Variants in THEMIS observed in about 807,000 individuals in gnomAD.
THEMIS encodes the protein thymocyte selection associated, also known as protein THEMIS.
Under a neutral mutation model 52.6 loss-of-function variants are expected in THEMIS, and 37 were observed. That is an observed-to-expected ratio of 0.70 (90% CI 0.54 to 0.93). THEMIS has a LOEUF of 0.93. Among genes scored for constraint, THEMIS ranks in the 40% least tolerant of loss-of-function variants. The pLI is 0.00. For missense variants in THEMIS, 808 were observed against 763.1 expected, an observed-to-expected ratio of 1.06 and a Z score of -0.69; for synonymous variants, 292 against 272.7, an observed-to-expected ratio of 1.07 and a Z score of -0.70.
At chr6:127,745,647 A>G (rs1291213451) in intron 4 of THEMIS, among the ~76,000 whole-genome samples, 1 of 151,876 alleles carries the variant, frequency 6.6e-6, no homozygotes, top group East Asian at 1.9e-4. Flanking sequence ...AAAATTTGTG[A>G]GACTATAGGT....
intron 5 of THEMIS, among the ~76,000 whole-genome samples, chr6:127,718,116 C>T (rs905094858): frequency 6.6e-6 from 1 of 151,556 alleles, no homozygotes; most frequent in Non-Finnish European, 1.5e-5. Flanking sequence ...TATATTTTTG[C>T]TCTACTTTTG....
At chr6:127,865,667 A>C (rs1440076369) in intron 1 of THEMIS, among the ~76,000 whole-genome samples, 1 of 152,152 alleles carries the variant, frequency 6.6e-6, no homozygotes, top group Non-Finnish European at 1.5e-5. Context: ...ACTGCAATAA[A>C]ATGATTTTTT....
chr6:127,918,216 C>A (rs915989824), intron 1 of THEMIS, among the ~76,000 whole-genome samples: 1 of 152,148 alleles, frequency 6.6e-6, no homozygotes. Context: ...TGCGTGCCTG[C>A]AATTAGCATT....
the THEMIS span, among the ~76,000 whole-genome samples, chr6:127,702,458 G>T: frequency 4.3e-4 from 65 of 151,900 alleles, no homozygotes; most frequent in African/African-American, 1.5e-3. Flanking sequence ...TGAATTTCTC[G>T]TGCTCTTACT....
At chr6:127,784,833 C>T (rs1043294469) in intron 4 of THEMIS, among the ~76,000 whole-genome samples, 9 of 152,034 alleles carry the variant, frequency 5.9e-5, no homozygotes, top group Non-Finnish European at 1.3e-4. Context: ...TTTAAAAAAA[C>T]TTAGGCCTGT....
rs1012284928 is a variant in THEMIS at position 127,829,647 on chromosome 6, G to A, written c.538C>T (p.Arg180Cys). ...ACAATCTCCTTTAGAGTGTAAATAC[G>A]TTCATCTTCACACTCGTAGAATTCT... is the stretch of plus-strand genomic sequence containing the variant. ...EGEFYECEDE[R>C]IYTLKEIVEW... is the part of the protein sequence containing the mutation. Residue 180 changes from arginine (R) to cysteine (C), a missense_variant, in exon 3 of 6, where the codon CGT becomes TGT. Physicochemically the swap from Arg to Cys is radical, Grantham distance 180. Transcript: ENST00000368248. The A allele has an allele frequency of 6.2e-6, 10 of 1,613,860 alleles. No homozygotes were observed. Among genetic ancestry groups the A allele is most frequent in the African/African-American group, 2.7e-5 (2 of 74,896 alleles).
At chr6:127,754,063 C>G (rs1288115618) in intron 4 of THEMIS, among the ~76,000 whole-genome samples, 1 of 152,054 alleles carries the variant, frequency 6.6e-6, no homozygotes, top group Non-Finnish European at 1.5e-5. Flanking sequence ...TGAATATGTG[C>G]AGATTTTTAC....
chr6:127,724,851 A>G (rs905312951), intron 4 of THEMIS, among the ~76,000 whole-genome samples: 3 of 152,102 alleles, frequency 2.0e-5, no homozygotes, highest in African/African-American at 4.8e-5. Context: ...CCACAAAAAA[A>G]AATTGGAAAG....
At chr6:127,775,926 T>C (rs887465587) in intron 4 of THEMIS, among the ~76,000 whole-genome samples, 2 of 152,194 alleles carry the variant, frequency 1.3e-5, no homozygotes, top group East Asian at 3.8e-4. Context: ...ATCTCTAACA[T>C]TTTCTCTCAG....
chr6:127,772,306 TA>T (rs1253431863), intron 4 of THEMIS, among the ~76,000 whole-genome samples: 1 of 152,072 alleles, frequency 6.6e-6, no homozygotes, highest in Non-Finnish European at 1.5e-5. Context: ...TTAATTAAAA[TA>T]TTTTTTTCAT....
intron 1 of THEMIS, among the ~76,000 whole-genome samples, chr6:127,873,366 G>A (rs984587944): frequency 1.3e-5 from 2 of 152,220 alleles, no homozygotes; most frequent in Middle Eastern, 3.4e-3. Context: ...AAAGGAGGTA[G>A]GAATTCAACT....
chr6:127,913,409 A>G (rs1010281189), intron 1 of THEMIS, among the ~76,000 whole-genome samples: 5 of 152,142 alleles, frequency 3.3e-5, no homozygotes, highest in African/African-American at 1.2e-4. Flanking sequence ...ATTTGGGTCT[A>G]CTTTGATTGG....
At chr6:127,865,966 G>C (rs1779959131) in intron 1 of THEMIS, among the ~76,000 whole-genome samples, 1 of 152,042 alleles carries the variant, frequency 6.6e-6, no homozygotes, top group Non-Finnish European at 1.5e-5. Context: ...GCATTTGAAT[G>C]TTCTTTTCAA....
intron 2 of THEMIS, among the ~76,000 whole-genome samples, chr6:127,841,247 A>G (rs9491876): frequency 0.42 from 63,694 of 151,766 alleles, 13,875 homozygotes; most frequent in African/African-American, 0.5. Context: ...TCCAGTGGCA[A>G]AACCTCTAAA....
intron 1 of THEMIS, among the ~76,000 whole-genome samples, chr6:127,882,205 TG>T (rs1445876964): frequency 1.3e-5 from 2 of 151,772 alleles, no homozygotes; most frequent in Non-Finnish European, 3.0e-5. Context: ...ACAGCCATTC[TG>T]TTTTTCATTT....
downstream of THEMIS, among the ~76,000 whole-genome samples, chr6:127,703,079 G>C (rs1263500608): frequency 1.1e-5 from 1 of 94,526 alleles, no homozygotes; most frequent in Non-Finnish European, 2.0e-5. Context: ...ACGGAGTCTC[G>C]CTCTGTCGCC....
chr6:127,863,745 A>C (rs986320750), intron 1 of THEMIS, among the ~76,000 whole-genome samples: 6 of 152,194 alleles, frequency 3.9e-5, no homozygotes, highest in African/African-American at 7.2e-5. Context: ...GTTCCAGGAA[A>C]GACTAAATAG....
At chr6:127,820,716 T>C (rs1485730894) in intron 3 of THEMIS, among the ~76,000 whole-genome samples, 1 of 152,074 alleles carries the variant, frequency 6.6e-6, no homozygotes, top group Non-Finnish European at 1.5e-5. Flanking sequence ...GGCAACCCAA[T>C]CTGCCTCATT....
chr6:127,845,959 A>C (rs1005874465), intron 2 of THEMIS, among the ~76,000 whole-genome samples: 1 of 151,952 alleles, frequency 6.6e-6, no homozygotes, highest in South Asian at 2.1e-4. Context: ...ATTCTGGCTA[A>C]CTGAGGCTCT....
Sources: allele counts gnomAD v4.1 joint callset (sites outside exome capture counted in the v4.1 genomes callset), GRCh38; gene constraint gnomAD v4.1.1; transcripts MANE v1.5; gene names NCBI Gene and HGNC (gene_info 2026-07-23, HGNC 2026-07-21).